The following PHTF2 variants were observed in gnomAD, a reference collection of about 807,000 sequenced individuals.
PHTF2 encodes the protein protein PHTF2.
Under a neutral mutation model 101.2 loss-of-function variants are expected in PHTF2, and 60 were observed. The ratio of observed to expected loss-of-function variants is 0.59; its 90% CI spans 0.48 to 0.73. The LOEUF (loss-of-function observed/expected upper bound fraction) is 0.73, where lower values mean the gene tolerates loss of function less well. Among genes scored for constraint, PHTF2 ranks in the 30% least tolerant of loss-of-function variants. PHTF2 has a pLI of 0.00. For synonymous variants in PHTF2, 311 were observed against 307.3 expected (o/e 1.01, Z -0.13); for missense variants, 747 against 908.7 (o/e 0.82, Z 2.29).
At chr7:77,935,809 A>G (rs1805075026) in intron 12 of PHTF2, among the ~76,000 whole-genome samples, 1 of 152,152 alleles carries the variant, frequency 6.6e-6, no homozygotes, top group Non-Finnish European at 1.5e-5. Context: ...AGTGGTTGAA[A>G]TCTGTTGGCT....
chr7:77,953,952 C>T lies in PHTF2; in HGVS notation c.2337+58C>T, dbSNP rs1030729493. 4.2e-5 allele frequency: 63 copies of T among 1,510,772 alleles called. No individual in the cohort carries two copies. The African/African-American group carries it at 7.8e-4, about 19-fold the overall frequency. 93.6% of individuals were successfully genotyped at this position (1,510,772 alleles called of 1,614,324 possible). The stretch of plus-strand genomic sequence containing the variant: ...TTTCCTGTTGCATTTTTGTTGCGCC[C>T]ATTTTACCCTCACATGCACAGTAAT... On this transcript the variant is annotated intron_variant, in intron 19 of 19. Coordinates refer to ENST00000416283, the Ensembl canonical transcript of PHTF2.
At chr7:77,910,216 C>G (rs773866354) in intron 8 of PHTF2, 29 bp from the exon 8 acceptor site, 4 of 1,578,754 alleles carry the variant, frequency 2.5e-6, no homozygotes, top group Non-Finnish European at 3.4e-6. Context: ...ATTAAAGCTG[C>G]CTTCCATTCT....
chr7:77,897,871 G>T (rs1227713843), intron 5 of PHTF2, among the ~76,000 whole-genome samples: 4 of 151,978 alleles, frequency 2.6e-5, no homozygotes, highest in Admixed American at 2.6e-4. Flanking sequence ...AATAGAGATG[G>T]AGTTTCACCA....
rs151338988 is a variant in PHTF2 at position 77,804,710 on chromosome 7, A to G, written c.-36+5739A>G. ...TCTCCATATCTTTAATTGCCATTCA[A>G]TCACTTCATCTGGTCCTCTATCTAC... is the stretch of plus-strand genomic sequence containing the variant. On this transcript the variant is annotated intron_variant, in intron 1 of 19. Coordinates refer to ENST00000416283, the Ensembl canonical transcript of PHTF2. Among the ~76,000 whole-genome samples the G allele has an allele frequency of 1.4e-4, 21 of 152,300 alleles. No individual in the cohort carries two copies. The East Asian group carries it at 3.7e-3, about 27-fold the overall frequency.
chr7:77,927,201 C>CAT (rs1562957595), intron 11 of PHTF2, among the ~76,000 whole-genome samples: 5 of 105,806 alleles, frequency 4.7e-5, no homozygotes, highest in African/African-American at 1.2e-4. Flanking sequence ...TATATACATA[C>CAT]ACACACACAC....
intron 3 of PHTF2, among the ~76,000 whole-genome samples, chr7:77,874,399 CTA>C (rs1208950373): frequency 6.6e-6 from 1 of 152,060 alleles, no homozygotes; most frequent in African/African-American, 2.4e-5. Flanking sequence ...AATGGAATAA[CTA>C]TATATATAAA....
intron 1 of PHTF2, among the ~76,000 whole-genome samples, chr7:77,807,811 C>T (rs1793114660): frequency 6.6e-6 from 1 of 152,094 alleles, no homozygotes; most frequent in South Asian, 2.1e-4. Context: ...GTGTTTTCTT[C>T]TAGGACTTTT....
chr7:77,891,329 T>TA (rs1296625419), intron 3 of PHTF2, among the ~76,000 whole-genome samples: 1 of 152,208 alleles, frequency 6.6e-6, no homozygotes, highest in East Asian at 1.9e-4. Flanking sequence ...TTCCCATACT[T>TA]ACCTTTTCTG....
At chr7:77,910,858 C>T (rs1056699399) in intron 9 of PHTF2, among the ~76,000 whole-genome samples, 3 of 152,020 alleles carry the variant, frequency 2.0e-5, no homozygotes, top group African/African-American at 7.2e-5. Context: ...GGCCAGACCT[C>T]GGCCTCCTAA....
chr7:77,908,781 C>A lies in PHTF2; in HGVS notation c.446-12C>A. 6.6e-7 allele frequency: 1 copy of A among 1,517,594 alleles called. No individual in the cohort carries two copies. The highest frequency in any genetic ancestry group is 8.9e-7 in the Non-Finnish European group (1 of 1,119,640). 94.0% of individuals were successfully genotyped at this position (1,517,594 alleles called of 1,614,324 possible). On this transcript the variant is annotated splice_polypyrimidine_tract_variant and intron_variant, in intron 7 of 19. Transcript: ENST00000416283. ...ATCTATAATTAAGCATATTTTCTTT[C>A]CCTTTTTATAGTTGCTGCAATAGTA... is the stretch of plus-strand genomic sequence containing the variant.
intron 15 of PHTF2, among the ~76,000 whole-genome samples, chr7:77,941,920 G>A (rs978811639): frequency 2.0e-5 from 3 of 152,152 alleles, no homozygotes; most frequent in South Asian, 4.2e-4. Flanking sequence ...TCTTAACAAG[G>A]TTTATAATGC....
At chr7:77,872,318 C>A (rs1481794864) in intron 3 of PHTF2, among the ~76,000 whole-genome samples, 1 of 152,208 alleles carries the variant, frequency 6.6e-6, no homozygotes, top group Non-Finnish European at 1.5e-5. Context: ...TGAGCACTCA[C>A]ATGGGGTACA....
At chr7:77,950,654 C>CA (rs1246302158) in intron 17 of PHTF2, among the ~76,000 whole-genome samples, 1 of 151,658 alleles carries the variant, frequency 6.6e-6, no homozygotes, top group South Asian at 2.1e-4. Flanking sequence ...GACTCCAACT[C>CA]AAAAAAAAGT....
chr7:77,947,756 CAA>C (rs938264103), intron 16 of PHTF2, among the ~76,000 whole-genome samples: 74 of 150,302 alleles, frequency 4.9e-4, no homozygotes, highest in African/African-American at 1.7e-3. Flanking sequence ...CACAGAAAGA[CAA>C]GAGTAGTCCA....
At chr7:77,903,004 GA>G (rs1167695124) in intron 7 of PHTF2, among the ~76,000 whole-genome samples, 1 of 151,774 alleles carries the variant, frequency 6.6e-6, no homozygotes, top group South Asian at 2.1e-4. Flanking sequence ...AAAAGCTAAA[GA>G]AAAAAAGAAC....
intron 9 of PHTF2, among the ~76,000 whole-genome samples, chr7:77,920,022 A>AT (rs1453160405): frequency 1.3e-5 from 2 of 152,194 alleles, no homozygotes; most frequent in Non-Finnish European, 2.9e-5. Context: ...TTTACTAAGA[A>AT]TTTTTTGATA....
chr7:77,889,536 G>T (rs1402817368), intron 3 of PHTF2, among the ~76,000 whole-genome samples: 1 of 142,342 alleles, frequency 7.0e-6, no homozygotes, highest in African/African-American at 2.6e-5. Flanking sequence ...AAAGTAGTCT[G>T]TTTGCTTAAG....
intron 1 of PHTF2, among the ~76,000 whole-genome samples, chr7:77,832,637 A>G (rs189177877): frequency 5.0e-4 from 76 of 152,276 alleles, no homozygotes; most frequent in Middle Eastern, 6.8e-3. Context: ...TTTCTGTAGT[A>G]TAGTTAACAG....
chr7:77,865,499 A>G (rs1797985367), intron 3 of PHTF2, among the ~76,000 whole-genome samples: 1 of 152,156 alleles, frequency 6.6e-6, no homozygotes, highest in Non-Finnish European at 1.5e-5. Context: ...TGCTGGCATT[A>G]TAGATGTGAG....
Sources: gnomAD v4.1 joint callset for allele counts (sites outside exome capture counted in the v4.1 genomes callset) on GRCh38, gnomAD v4.1.1 for gene constraint, MANE v1.5 for transcripts, NCBI Gene and HGNC (gene_info 2026-07-23, HGNC 2026-07-21) for gene names.